ZNF76: variants seen among roughly 807,000 people sequenced by gnomAD.
The protein encoded by ZNF76 is zinc finger protein 76.
ZNF76 carries 66 observed loss-of-function variants against 66.9 expected under a neutral mutation model. That is an observed-to-expected ratio of 0.99 (90% CI 0.81 to 1.21). The LOEUF (loss-of-function observed/expected upper bound fraction) is 1.21, where lower values mean the gene tolerates loss of function less well. ZNF76 is among the 50% of genes most tolerant of loss of function. The probability of loss-of-function intolerance (pLI) is 0.00; values close to 1 mark genes in which losing one functional copy is unlikely to be tolerated. For synonymous variants in ZNF76, 275 were observed against 296.1 expected (o/e 0.93, Z 0.73); for missense variants, 729 against 760.3 (o/e 0.96, Z 0.48).
chr6:35,270,033 G>C (rs767328586), intron 1 of ZNF76, among the ~76,000 whole-genome samples: 1 of 152,226 alleles, frequency 6.6e-6, no homozygotes, highest in African/African-American at 2.4e-5. Context: ...GAGAATCATA[G>C]ATATTCCTGT....
At chr6:35,261,465 C>T (rs1055840732) in intron 1 of ZNF76, among the ~76,000 whole-genome samples, 4 of 152,204 alleles carry the variant, frequency 2.6e-5, no homozygotes, top group South Asian at 4.2e-4. Flanking sequence ...TCAACAGCCC[C>T]AAGAGTTAAT....
At chr6:35,270,451 A>G (rs1008398231) in intron 1 of ZNF76, 1 of 152,120 alleles carries the variant, frequency 6.6e-6, no homozygotes, top group African/African-American at 2.4e-5. Flanking sequence ...TTCGTGGAGT[A>G]TAAAAGATAT....
intron 5 of ZNF76, among the ~76,000 whole-genome samples, chr6:35,289,925 G>A (rs1207773324): frequency 1.1e-4 from 16 of 152,204 alleles, no homozygotes; most frequent in Admixed American, 1.0e-3. Context: ...AGGGTTTCTG[G>A]CACTTGGTCC....
At chr6:35,285,341 A>G (rs1789409161) in intron 2 of ZNF76, among the ~76,000 whole-genome samples, 1 of 152,248 alleles carries the variant, frequency 6.6e-6, no homozygotes, top group Non-Finnish European at 1.5e-5. Context: ...AGTTGTGCTC[A>G]CATAGTTCTC....
At chr6:35,286,628 C>T (rs1483746809) in intron 4 of ZNF76, 7 of 593,802 alleles carry the variant, frequency 1.2e-5, no homozygotes, top group African/African-American at 1.9e-5. Flanking sequence ...AGATCAGTGA[C>T]GTGGACTTTG....
At chr6:35,290,154 C>G in intron 5 of ZNF76, 112 bp from the exon 6 acceptor site, 1 of 1,382,254 alleles carries the variant, frequency 7.2e-7, no homozygotes, top group East Asian at 2.3e-5. Flanking sequence ...GCCCCAGAGG[C>G]CCCTGACAGG....
At chr6:35,284,706 A>G (rs1789288629) in intron 2 of ZNF76, among the ~76,000 whole-genome samples, 1 of 147,016 alleles carries the variant, frequency 6.8e-6, no homozygotes, top group Non-Finnish European at 1.5e-5. Flanking sequence ...CAGCCTTTTT[A>G]TTTATTTATT....
In ZNF76 at chr6:35,292,981, G is replaced by A. The variant is rs780848659; in HGVS notation, c.1266G>A (p.Ala422=). 6.8e-6 allele frequency: 11 copies of A among 1,614,076 alleles called. No individual in the cohort carries two copies. Among genetic ancestry groups the A allele is most frequent in the South Asian group, 1.1e-5 (1 of 91,090 alleles). The part of the protein sequence containing the change: ...EERDDIPAQV[A]MVTEEDGAPQ... ...GAGATGACATCCCAGCCCAGGTGGC[G>A]ATGGTGACTGAAGAAGATGGGGCCC... is the stretch of plus-strand genomic sequence containing the variant. The change falls in exon 11 of 14, where the codon GCG becomes GCA. Residue 422 remains alanine (A), a synonymous_variant. Transcript: ENST00000373953. This position sits in a 1 kb window ranked among gnomAD's most constrained non-coding sequence, Gnocchi z 4.7.
At chr6:35,278,005 G>A (rs549579931) in intron 1 of ZNF76, among the ~76,000 whole-genome samples, 67 of 151,658 alleles carry the variant, frequency 4.4e-4, no homozygotes, top group Non-Finnish European at 8.7e-4. Context: ...AACTACAGGC[G>A]CCCTCCACGC....
chr6:35,286,265 AGGGACCCCTCCAT>A, intron 3 of ZNF76, 44 bp from the exon 4 acceptor site: 1 of 1,613,350 alleles, frequency 6.2e-7, no homozygotes, highest in Non-Finnish European at 8.5e-7. Context: ...GCCCCCACCA[AGGGACCCCTCCAT>A]GGCACTGAGC....
chr6:35,291,914 T>A, intron 9 of ZNF76, 177 bp downstream of exon 9: 1 of 698,794 alleles, frequency 1.4e-6, no homozygotes, highest in South Asian at 1.8e-5. Context: ...GAGTAATTCC[T>A]CAATTTCCAG....
chr6:35,265,021 A>G (rs1228367282), intron 1 of ZNF76, among the ~76,000 whole-genome samples: 1 of 152,110 alleles, frequency 6.6e-6, no homozygotes, highest in African/African-American at 2.4e-5. Context: ...AAAGGTATAT[A>G]TATTCATTCA....
At position 35,273,926 on chromosome 6, in the gene ZNF76, A is replaced by G. The variant is rs554225744; in HGVS notation, c.-96-7130A>G. 7.3e-4 allele frequency among the ~76,000 whole-genome samples: 111 copies of G among 152,320 alleles called. 1 individual carries two copies. The Middle Eastern group carries it at 0.01, about 14-fold the overall frequency. On this transcript the variant is annotated intron_variant, in intron 1 of 13. Coordinates refer to ENST00000373953, the MANE Select transcript of ZNF76 (RefSeq NM_003427.5). The stretch of plus-strand genomic sequence containing the variant: ...GCAAAGATGTGTTTTAGCTGTTTAA[A>G]ACTTATGTTAGTGCAAGTTTGTGTT...
intron 1 of ZNF76, among the ~76,000 whole-genome samples, chr6:35,267,551 A>C (rs1786335091): frequency 6.6e-6 from 1 of 152,238 alleles, no homozygotes; most frequent in South Asian, 2.1e-4. Context: ...TGGTATTGGC[A>C]ATAAGATTTC....
At chr6:35,268,334 A>G (rs1786459940) in intron 1 of ZNF76, among the ~76,000 whole-genome samples, 3 of 152,170 alleles carry the variant, frequency 2.0e-5, no homozygotes, top group Admixed American at 1.3e-4. Flanking sequence ...GTCTACGTTT[A>G]TATCGTGAGG....
intron 1 of ZNF76, among the ~76,000 whole-genome samples, chr6:35,278,911 C>T (rs1344362733): frequency 6.6e-6 from 1 of 152,212 alleles, no homozygotes; most frequent in East Asian, 1.9e-4. Flanking sequence ...GACGCAGAAA[C>T]CAGGCTAGAG....
rs763419976 is a variant in ZNF76 at position 35,281,205 on chromosome 6, C to A, written c.54C>A (p.Tyr18Ter). ...TVTLSDGTTA[Y>*]VQQAVKGEKL... ...CCCTTAGTGATGGGACAACAGCCTA[C>A]GTCCAGCAAGCTGTCAAAGGTAAGT... Residue 18 changes from tyrosine to a stop codon, truncating the protein, a stop_gained, in exon 2 of 14, where the codon TAC becomes TAA. Coordinates refer to ENST00000373953, the MANE Select transcript of ZNF76 (RefSeq NM_003427.5). LOFTEE classifies it high-confidence loss of function. The A allele has an allele frequency of 6.2e-7, 1 of 1,613,716 alleles. No individual in the cohort carries two copies. The highest frequency in any genetic ancestry group is 8.5e-7 in the Non-Finnish European group (1 of 1,180,016).
chr6:35,278,406 T>C (rs1788251684), intron 1 of ZNF76, among the ~76,000 whole-genome samples: 2 of 152,218 alleles, frequency 1.3e-5, no homozygotes, highest in Admixed American at 1.3e-4. Flanking sequence ...GGATGGTCTA[T>C]AATTTTGCCA....
chr6:35,275,919 G>T (rs185879346), intron 1 of ZNF76, among the ~76,000 whole-genome samples: 1 of 152,156 alleles, frequency 6.6e-6, no homozygotes, highest in Non-Finnish European at 1.5e-5. Flanking sequence ...GAGTGCTGAC[G>T]GTGTGCCAGT....
Sources: gnomAD v4.1 joint callset for allele counts (sites outside exome capture counted in the v4.1 genomes callset) on GRCh38, gnomAD v4.1.1 for gene constraint, Gnocchi (gnomAD v3.1) non-coding constraint, MANE v1.5 for transcripts, NCBI Gene and HGNC (gene_info 2026-07-23, HGNC 2026-07-21) for gene names.